The following CYTH4 variants were observed in gnomAD, a reference collection of about 807,000 sequenced individuals.
The protein encoded by CYTH4 is cytohesin 4, also known as cytohesin-4.
In CYTH4, 22 loss-of-function variants were observed where a neutral mutation model predicts 57.5. That is an observed-to-expected ratio of 0.38 (90% CI 0.27 to 0.55). CYTH4 has a LOEUF of 0.55. Among genes scored for constraint, CYTH4 ranks in the 20% least tolerant of loss-of-function variants. The pLI is 0.74. For synonymous variants in CYTH4, 186 were observed against 206.5 expected, an observed-to-expected ratio of 0.90 and a Z score of 0.85; for missense variants, 420 against 535.6, an observed-to-expected ratio of 0.78 and a Z score of 2.13.
intron 8 of CYTH4, among the ~76,000 whole-genome samples, chr22:37,307,293 C>A (rs1024254540): frequency 3.3e-4 from 50 of 152,190 alleles, no homozygotes; most frequent in African/African-American, 1.2e-3. Flanking sequence ...GCTGCTGGGT[C>A]CCCCTGTGGG....
chr22:37,291,540 T>G (rs982012979), intron 1 of CYTH4, among the ~76,000 whole-genome samples: 2 of 152,190 alleles, frequency 1.3e-5, no homozygotes, highest in Admixed American at 1.3e-4. Context: ...AGGAGCGGCC[T>G]GGGCAAACAT....
chr22:37,286,557 G>C (rs1053940490), intron 1 of CYTH4, among the ~76,000 whole-genome samples: 5 of 152,082 alleles, frequency 3.3e-5, no homozygotes, highest in African/African-American at 9.7e-5. Flanking sequence ...GGAAGGGGTG[G>C]GGGCAGGGAT....
chr22:37,297,597 A>G lies in CYTH4; in HGVS notation c.268A>G (p.Thr90Ala), dbSNP rs773697799. The G allele has an allele frequency of 2.5e-6, 4 of 1,613,824 alleles. No individual in the cohort carries two copies. The Admixed American group carries it at 5.0e-5, about 20-fold the overall frequency. Reference protein sequence around the residue: ...IQYFIEHKLLTPDVQDIARFL... With the variant: ...IQYFIEHKLLAPDVQDIARFL... ...GTATTTCATTGAGCACAAGCTGCTG[A>G]CCCCTGACGTCCAGGACATTGCACG... Residue 90 changes from threonine (T) to alanine (A), a missense_variant, in exon 5 of 13, where the codon ACC becomes GCC. By Grantham distance (58) the Thr-to-Ala change is moderately conservative. Coordinates refer to ENST00000248901, the MANE Select transcript of CYTH4 (RefSeq NM_013385.5).
intron 4 of CYTH4, among the ~76,000 whole-genome samples, chr22:37,297,206 GT>G (rs1220080597): frequency 6.6e-6 from 1 of 152,120 alleles, no homozygotes; most frequent in East Asian, 1.9e-4. Flanking sequence ...AATAATATGA[GT>G]TTTAGGGGAA....
At chr22:37,297,946 T>A in intron 5 of CYTH4, 1 of 306,508 alleles carries the variant, frequency 3.3e-6, no homozygotes. Context: ...CACCAGTGAA[T>A]AAGACAGACA....
chr22:37,290,326 G>C (rs1378306561), intron 1 of CYTH4, among the ~76,000 whole-genome samples: 1 of 152,158 alleles, frequency 6.6e-6, no homozygotes, highest in Non-Finnish European at 1.5e-5. Context: ...ACAGTTGTTG[G>C]AGTGAATGGC....
intron 8 of CYTH4, among the ~76,000 whole-genome samples, chr22:37,308,657 T>C (rs1257865091): frequency 6.6e-6 from 1 of 151,662 alleles, no homozygotes; most frequent in African/African-American, 2.4e-5. Flanking sequence ...TATGTGTGCA[T>C]ATATGTGTGA....
intron 6 of CYTH4, among the ~76,000 whole-genome samples, chr22:37,300,449 C>T (rs1363156025): frequency 6.6e-6 from 1 of 152,206 alleles, no homozygotes; most frequent in East Asian, 1.9e-4. Flanking sequence ...TTGAAGCTGT[C>T]GAAACCACCA....
chr22:37,287,141 C>A (rs1451334524), intron 1 of CYTH4, among the ~76,000 whole-genome samples: 1 of 151,972 alleles, frequency 6.6e-6, no homozygotes, highest in Admixed American at 6.6e-5. Flanking sequence ...CGGTGGTGAC[C>A]AATACATAGG....
chr22:37,300,643 G>A (rs1031507595), intron 6 of CYTH4, among the ~76,000 whole-genome samples: 1 of 152,238 alleles, frequency 6.6e-6, no homozygotes, highest in African/African-American at 2.4e-5. Context: ...AGGCAGACTG[G>A]GCTGCAGTCA....
rs1301659099 is a variant in CYTH4, at chr22:37,298,590, G to A, written c.354-636G>A. Among the ~76,000 whole-genome samples, 2 of 152,114 alleles carry A rather than the reference G, an allele frequency of 1.3e-5. No homozygotes were observed. The highest frequency in any genetic ancestry group is 2.9e-5 in the Non-Finnish European group (2 of 68,020). ...AAAAAGGCCCTGGGGTCAGAAACAGGCTCAAGAATCTAGACTGGACGGGAG... is the reference window on the plus strand; with the variant it reads ...AAAAAGGCCCTGGGGTCAGAAACAGACTCAAGAATCTAGACTGGACGGGAG... On this transcript the variant is annotated intron_variant, in intron 5 of 12. Transcript: ENST00000248901. The surrounding 1 kb of genome is among the most constrained non-coding windows in gnomAD (Gnocchi z 4.1).
In CYTH4 at chr22:37,296,076, G is replaced by A. The variant is rs1228255800; in HGVS notation, c.234+11G>A. The stretch of plus-strand genomic sequence containing the variant: ...ATGGACCCCGCCAAGGTAGGTGGCT[G>A]TGGAGGGCCCGGGCCACAGGGTGTG... On this transcript the variant is annotated intron_variant, in intron 4 of 12. Coordinates refer to ENST00000248901, the MANE Select transcript of CYTH4 (RefSeq NM_013385.5). The A allele has an allele frequency of 6.2e-7, 1 of 1,611,224 alleles. No individual in the cohort carries two copies. The highest frequency in any genetic ancestry group is 8.5e-7 in the Non-Finnish European group (1 of 1,178,576).
Position 37,292,771 on chromosome 22 carries a change from C to T in CYTH4, c.102+68C>T, listed in dbSNP as rs1278426510. ...TCCTGCACGCTTGTACGCACCCCAC[C>T]AGCTCCTGACCCAGCCTGGTCAACA... is the stretch of plus-strand genomic sequence containing the variant. On this transcript the variant is annotated intron_variant, in intron 2 of 12. Transcript: ENST00000248901. 5 of 1,511,938 alleles carry T rather than the reference C, an allele frequency of 3.3e-6. No individual in the cohort carries two copies. In the African/African-American group the frequency reaches 6.8e-5, roughly 21 times the overall value. The allele number at this position is 1,511,938 out of a possible 1,614,324, so 93.7% of individuals were successfully genotyped here.
At chr22:37,308,869 TGTGC>T (rs879729431) in intron 8 of CYTH4, among the ~76,000 whole-genome samples, 40 of 113,914 alleles carry the variant, frequency 3.5e-4, no homozygotes, top group Admixed American at 1.7e-3. Flanking sequence ...CGTGCATACA[TGTGC>T]GTGTGTGTGC....
chr22:37,294,466 G>C (rs558081198), intron 2 of CYTH4, among the ~76,000 whole-genome samples, 194 bp from the exon 3 acceptor site: 1 of 152,182 alleles, frequency 6.6e-6, no homozygotes, highest in Admixed American at 6.5e-5. Flanking sequence ...ATGCGACTTA[G>C]AAATTATGAG....
chr22:37,308,130 T>C (rs936358567), intron 8 of CYTH4, among the ~76,000 whole-genome samples: 2 of 152,158 alleles, frequency 1.3e-5, no homozygotes, highest in Non-Finnish European at 2.9e-5. Flanking sequence ...CCCTGGGCTC[T>C]CCCTCAGCTG....
intron 8 of CYTH4, among the ~76,000 whole-genome samples, chr22:37,307,362 ATT>A (rs1331381249): frequency 2.6e-5 from 4 of 151,962 alleles, no homozygotes; most frequent in Non-Finnish European, 5.9e-5. Context: ...GCTTCCAAAT[ATT>A]TGTCTGTGCT....
intron 2 of CYTH4, among the ~76,000 whole-genome samples, chr22:37,293,825 G>A (rs1042855666): frequency 6.6e-6 from 1 of 152,146 alleles, no homozygotes; most frequent in Non-Finnish European, 1.5e-5. Flanking sequence ...AAGATGAAAT[G>A]GGCTTGGGGT....
chr22:37,303,316 G>T lies in CYTH4; in HGVS notation c.610G>T (p.Val204Phe). The T allele has an allele frequency of 6.2e-7, 1 of 1,614,148 alleles. No individual in the cohort carries two copies. Among genetic ancestry groups the T allele is most frequent in the Non-Finnish European group, 8.5e-7 (1 of 1,180,016 alleles). ...MLNTSLHNPN[V>F]RDRPPFERFV... ...CAACACCAGCCTCCACAATCCCAAC[G>T]TCCGGGACAGGCCGCCTTTTGAGCG... is the stretch of plus-strand genomic sequence containing the variant. Residue 204 changes from valine (V) to phenylalanine (F), a missense_variant, in exon 8 of 13, where the codon GTC becomes TTC. Physicochemically the swap from Val to Phe is conservative, Grantham distance 50. Coordinates refer to ENST00000248901, the MANE Select transcript of CYTH4 (RefSeq NM_013385.5).
Sources: allele counts gnomAD v4.1 joint callset (sites outside exome capture counted in the v4.1 genomes callset), GRCh38; gene constraint gnomAD v4.1.1; non-coding constraint Gnocchi (gnomAD v3.1); transcripts MANE v1.5; gene names NCBI Gene and HGNC (gene_info 2026-07-23, HGNC 2026-07-21).